The following KCNK12 variants were observed in gnomAD, a reference collection of about 807,000 sequenced individuals.
KCNK12 encodes the protein potassium channel subfamily K member 12.
KCNK12 carries 6 observed loss-of-function variants against 25.3 expected under a neutral mutation model. The observed-to-expected ratio is 0.24, with a 90% CI of 0.13 to 0.47. The LOEUF is 0.47. KCNK12 is among the 20% of genes least tolerant of loss of function. The probability of loss-of-function intolerance (pLI) is 0.99; values close to 1 mark genes in which losing one functional copy is unlikely to be tolerated. For synonymous variants in KCNK12, 331 were observed against 311.1 expected, an observed-to-expected ratio of 1.06 and a Z score of -0.67; for missense variants, 444 against 661.7, an observed-to-expected ratio of 0.67 and a Z score of 3.61.
chr2:47,523,008 C>T (rs967639687), intron 1 of KCNK12, among the ~76,000 whole-genome samples: 1 of 152,156 alleles, frequency 6.6e-6, no homozygotes, highest in Non-Finnish European at 1.5e-5. Context: ...TGTCAGTGCT[C>T]AAAAGTCAAC....
chr2:47,570,407 C>T lies in KCNK12; in HGVS notation c.-76G>A. 1 of 1,202,424 alleles carries T rather than the reference C, an allele frequency of 8.3e-7. No homozygotes were observed. The highest frequency in any genetic ancestry group is 1.0e-6 in the Non-Finnish European group (1 of 969,874). The allele number at this position is 1,202,424 out of a possible 1,614,324, so 74.5% of individuals were successfully genotyped here. ...GACATCCCCCCGGCGGGAGCAGGAGCGTGAGGATGGTGGCCAGGGGTCCGG... is the reference window on the plus strand; with the variant it reads ...GACATCCCCCCGGCGGGAGCAGGAGTGTGAGGATGGTGGCCAGGGGTCCGG... On this transcript the variant is annotated 5_prime_UTR_variant, in exon 1 of 2. Transcript: ENST00000327876.
At chr2:47,532,235 A>C (rs1264320193) in intron 1 of KCNK12, among the ~76,000 whole-genome samples, 4 of 151,916 alleles carry the variant, frequency 2.6e-5, no homozygotes, top group Non-Finnish European at 4.4e-5. Flanking sequence ...CATAAAAAAA[A>C]AAAACCCTGG....
chr2:47,564,319 A>C (rs963386449), intron 1 of KCNK12: 3 of 229,400 alleles, frequency 1.3e-5, no homozygotes, highest in African/African-American at 6.6e-5. Context: ...AGCAGTACCC[A>C]CTGACTCAGC....
At position 47,569,984 on chromosome 2, in the gene KCNK12, G is replaced by A. The variant is rs139772114; in HGVS notation, c.348C>T (p.Phe116=). 48,892 of 1,434,914 alleles carry A rather than the reference G, an allele frequency of 0.034. 975 individuals are homozygous for A. The highest frequency in any genetic ancestry group is 0.053 in the Middle Eastern group (207 of 3,898). 88.9% of individuals were successfully genotyped at this position (1,434,914 alleles called of 1,614,324 possible). ...TGCCCACGAAGTAGAAGGCGCCGGG[G>A]AAGTCCCAGCGCGGGCGCAGCGCGT... ...RADALRPRWD[F]PGAFYFVGTV... is the part of the protein sequence containing the mutation. The change falls in exon 1 of 2, where the codon TTC becomes TTT. Residue 116 remains phenylalanine (F), a synonymous_variant. Transcript: ENST00000327876. This position sits in a 1 kb window ranked among gnomAD's most constrained non-coding sequence, Gnocchi z 4.1.
In KCNK12 at chr2:47,525,695, G is replaced by A. The variant is rs2104743700; in HGVS notation, c.392-3887C>T. Among the ~76,000 whole-genome samples, 1 of 152,270 alleles carries A rather than the reference G, an allele frequency of 6.6e-6. No homozygotes were observed. Among genetic ancestry groups the A allele is most frequent in the East Asian group, 1.9e-4 (1 of 5,178 alleles). On this transcript the variant is annotated intron_variant, in intron 1 of 1. Coordinates refer to ENST00000327876, the MANE Select transcript of KCNK12 (RefSeq NM_022055.2). The surrounding 1 kb of genome is among the most constrained non-coding windows in gnomAD (Gnocchi z 4.1). ...AGAGGGCTGCCTGCTGGAGCAAGGG[G>A]GCCCTAGGAAGAAGAGGCTGAGGGG...
rs1669792177 is a variant in KCNK12, at chr2:47,566,630, C to T, written c.391+3311G>A. 1 of 152,170 alleles carries T rather than the reference C, an allele frequency of 6.6e-6. No individual in the cohort carries two copies. The highest frequency in any genetic ancestry group is 2.4e-5 in the African/African-American group (1 of 41,432). 9.4% of individuals were successfully genotyped at this position (152,170 alleles called of 1,614,324 possible). ...TGGCCTGTAAATCTGTCTTGTCCTTCAAGTTTTCTCTGGACTTAATCAGTT... is the reference window on the plus strand; with the variant it reads ...TGGCCTGTAAATCTGTCTTGTCCTTTAAGTTTTCTCTGGACTTAATCAGTT... On this transcript the variant is annotated intron_variant, in intron 1 of 1. Coordinates refer to ENST00000327876, the MANE Select transcript of KCNK12 (RefSeq NM_022055.2). The surrounding 1 kb of genome is among the most constrained non-coding windows in gnomAD (Gnocchi z 4.1).
rs1050060838 is a variant in KCNK12 at position 47,511,145 on chromosome 2, C to T, written c.*9762G>A. ...TACCAAACGAATGGACAGGACAGAG[C>T]TGTGGGCTAGCAGGAAGGATATCTG... On this transcript the variant is annotated 3_prime_UTR_variant, in exon 2 of 2. Coordinates refer to ENST00000327876, the MANE Select transcript of KCNK12 (RefSeq NM_022055.2). The surrounding 1 kb of genome is among the most constrained non-coding windows in gnomAD (Gnocchi z 4.3). Among the ~76,000 whole-genome samples, 1 of 152,176 alleles carries T rather than the reference C, an allele frequency of 6.6e-6. No homozygotes were observed. The highest frequency in any genetic ancestry group is 1.5e-5 in the Non-Finnish European group (1 of 68,036).
At position 47,534,127 on chromosome 2, in the gene KCNK12, C is replaced by T. The variant is rs542035345; in HGVS notation, c.392-12319G>A. Among the ~76,000 whole-genome samples the T allele has an allele frequency of 3.3e-5, 5 of 152,142 alleles. 1 individual carries two copies. In the South Asian group the frequency reaches 1.0e-3, roughly 32 times the overall value. On this transcript the variant is annotated intron_variant, in intron 1 of 1. Transcript: ENST00000327876. ...ACAGGCTCAGGCCAGTGACTTCTAA[C>T]ATTAGAGAGGTTTTGGTTAACTGGG... is the stretch of plus-strand genomic sequence containing the variant.
rs1020394231 is a variant in KCNK12 at position 47,515,368 on chromosome 2, A to T, written c.*5539T>A. 6.6e-6 allele frequency among the ~76,000 whole-genome samples: 1 copy of T among 152,208 alleles called. No homozygotes were observed. Among genetic ancestry groups the T allele is most frequent in the Admixed American group, 6.5e-5 (1 of 15,286 alleles). On this transcript the variant is annotated 3_prime_UTR_variant, in exon 2 of 2. Transcript: ENST00000327876. ...CCTAGCGTTCCCTTATTGGAACACT[A>T]AGTCTGTGAGAGTTATTTACATCCT...
In KCNK12 at chr2:47,538,124, C is replaced by G. The variant is rs1572592704; in HGVS notation, c.392-16316G>C. Among the ~76,000 whole-genome samples, 2 of 152,328 alleles carry G rather than the reference C, an allele frequency of 1.3e-5. 1 individual carries two copies. On this transcript the variant is annotated intron_variant, in intron 1 of 1. Coordinates refer to ENST00000327876, the MANE Select transcript of KCNK12 (RefSeq NM_022055.2). The surrounding 1 kb of genome is among the most constrained non-coding windows in gnomAD (Gnocchi z 4.5). ...TCAACAAACATTTATTGAGGGCCTA[C>G]TGTGGCCAGGAACTGTGCTAGGCCC... is the stretch of plus-strand genomic sequence containing the variant.
Position 47,525,285 on chromosome 2 carries a change from G to C in KCNK12, c.392-3477C>G, listed in dbSNP as rs1558548152. 6.6e-6 allele frequency among the ~76,000 whole-genome samples: 1 copy of C among 152,200 alleles called. No individual in the cohort carries two copies. The highest frequency in any genetic ancestry group is 1.5e-5 in the Non-Finnish European group (1 of 68,034). ...TATGGGTAGTTGTTGTGGCAGTGGA[G>C]AGTGCTGTGGATTCTTTCACTCACC... is the stretch of plus-strand genomic sequence containing the variant. On this transcript the variant is annotated intron_variant, in intron 1 of 1. Coordinates refer to ENST00000327876, the MANE Select transcript of KCNK12 (RefSeq NM_022055.2). The surrounding 1 kb of genome is among the most constrained non-coding windows in gnomAD (Gnocchi z 4.1).
In KCNK12 at chr2:47,551,002, A is replaced by G. The variant is rs1327469828; in HGVS notation, c.391+18939T>C. On this transcript the variant is annotated intron_variant, in intron 1 of 1. Transcript: ENST00000327876. This position sits in a 1 kb window ranked among gnomAD's most constrained non-coding sequence, Gnocchi z 5.3. ...CTCTTTTGTCTCCCTGCTTTTTTTA[A>G]CCTAAGTTTTGCCTCAGGATCTAAT... 6.6e-6 allele frequency among the ~76,000 whole-genome samples: 1 copy of G among 152,046 alleles called. No homozygotes were observed. Among genetic ancestry groups the G allele is most frequent in the Admixed American group, 6.6e-5 (1 of 15,262 alleles).
rs564002709 is a variant in KCNK12, at chr2:47,545,009, A to G, written c.392-23201T>C. Reference sequence around the variant, plus strand: ...AGCTTCTCTCTTTTTCAAATGTTCTATAAGAAGTATCTGTTATTCGAGTGA... The same window carrying G: ...AGCTTCTCTCTTTTTCAAATGTTCTGTAAGAAGTATCTGTTATTCGAGTGA... On this transcript the variant is annotated intron_variant, in intron 1 of 1. Transcript: ENST00000327876. Among the ~76,000 whole-genome samples, 7 of 152,224 alleles carry G rather than the reference A, an allele frequency of 4.6e-5. No individual in the cohort carries two copies. In the South Asian group the frequency reaches 1.5e-3, roughly 32 times the overall value.
chr2:47,558,479 T>A (rs1259078794), intron 1 of KCNK12, among the ~76,000 whole-genome samples: 1 of 152,192 alleles, frequency 6.6e-6, no homozygotes, highest in African/African-American at 2.4e-5. Context: ...AATCCAAACC[T>A]GCATGGCCTC....
At chr2:47,567,476 A>G (rs1669806704) in intron 1 of KCNK12, among the ~76,000 whole-genome samples, 1 of 152,120 alleles carries the variant, frequency 6.6e-6, no homozygotes, top group Non-Finnish European at 1.5e-5. Flanking sequence ...CTTTACTTAA[A>G]CCTCATCCAA....
rs1465682977 is a variant in KCNK12, at chr2:47,557,420, C to A, written c.391+12521G>T. Among the ~76,000 whole-genome samples the A allele has an allele frequency of 6.6e-6, 1 of 151,964 alleles. No homozygotes were observed. Among genetic ancestry groups the A allele is most frequent in the South Asian group, 2.1e-4 (1 of 4,812 alleles). On this transcript the variant is annotated intron_variant, in intron 1 of 1. Transcript: ENST00000327876. The surrounding 1 kb of genome is among the most constrained non-coding windows in gnomAD (Gnocchi z 4.9). Reference sequence around the variant, plus strand: ...CAGCCTCCAGAATGGTGAGTGAAATCAACTTTTTTTTGTTTGTTTTTTTTT... The same window carrying A: ...CAGCCTCCAGAATGGTGAGTGAAATAAACTTTTTTTTGTTTGTTTTTTTTT...
At chr2:47,530,970 A>C (rs1303415729) in intron 1 of KCNK12, among the ~76,000 whole-genome samples, 1 of 152,230 alleles carries the variant, frequency 6.6e-6, no homozygotes, top group Non-Finnish European at 1.5e-5. Context: ...CAAATGTACA[A>C]GAGTTTGGAA....
At chr2:47,559,913 T>C (rs1669628966) in intron 1 of KCNK12, among the ~76,000 whole-genome samples, 1 of 152,102 alleles carries the variant, frequency 6.6e-6, no homozygotes, top group African/African-American at 2.4e-5. Context: ...GAGTACAGCA[T>C]ATGTAACAGC....
At chr2:47,554,557 A>G (rs956208317) in intron 1 of KCNK12, among the ~76,000 whole-genome samples, 10 of 152,254 alleles carry the variant, frequency 6.6e-5, no homozygotes, top group Admixed American at 4.6e-4. Context: ...GCGTGGCTGT[A>G]GTGCATTGAG....
Sources: gnomAD v4.1 joint callset for allele counts (sites outside exome capture counted in the v4.1 genomes callset) on GRCh38, gnomAD v4.1.1 for gene constraint, Gnocchi (gnomAD v3.1) non-coding constraint, MANE v1.5 for transcripts, NCBI Gene and HGNC (gene_info 2026-07-23, HGNC 2026-07-21) for gene names.